Variants in NKTR observed in about 807,000 individuals in gnomAD.
The protein encoded by NKTR is natural killer cell triggering receptor.
Under a neutral mutation model 156.3 loss-of-function variants are expected in NKTR, and 67 were observed. The observed-to-expected ratio is 0.43, with a 90% CI of 0.35 to 0.53. NKTR has a LOEUF of 0.53. Among genes scored for constraint, NKTR ranks in the 20% least tolerant of loss-of-function variants. NKTR has a pLI of 0.01. For missense variants in NKTR, 1,604 were observed against 1,730.9 expected (o/e 0.93, Z 1.30); for synonymous variants, 640 against 596.6 (o/e 1.07, Z -1.06).
chr3:42,630,785 G>C (rs763195117), intron 7 of NKTR: 73 of 1,368,800 alleles, frequency 5.3e-5, no homozygotes, highest in Admixed American at 3.8e-4. Context: ...TCATGGATGG[G>C]CTTCTCAGCA....
Position 42,634,628 on chromosome 3 carries a change from T to G in NKTR, c.945T>G (p.Val315=). Residue 315 remains valine (V), a synonymous_variant, in exon 11 of 17, where the codon GTT becomes GTG. Transcript: ENST00000232978. ...TAEPEPKIPD[V]APIVSDQKPS... is the part of the protein sequence containing the mutation. The stretch of plus-strand genomic sequence containing the variant: ...CTTTTCCTAGGAAGATTCCTGATGT[T>G]GCACCCATTGTAAGTGATCAGAAAC... 1 of 1,582,226 alleles carries G rather than the reference T, an allele frequency of 6.3e-7. No individual in the cohort carries two copies.
chr3:42,608,082 C>T (rs759823468), intron 2 of NKTR, among the ~76,000 whole-genome samples: 5 of 145,458 alleles, frequency 3.4e-5, no homozygotes, highest in Admixed American at 7.2e-5. Context: ...CTCCGCCTCC[C>T]GGGTTCAAGA....
In NKTR at chr3:42,617,551, C is replaced by T. The variant is rs1188027948; in HGVS notation, c.59-19C>T. 3.5e-6 allele frequency: 5 copies of T among 1,416,316 alleles called. No individual in the cohort carries two copies. Among genetic ancestry groups the T allele is most frequent in the African/African-American group, 1.4e-5 (1 of 70,694 alleles). The allele number at this position is 1,416,316 out of a possible 1,614,324, so 87.7% of individuals were successfully genotyped here. On this transcript the variant is annotated intron_variant, in intron 2 of 16. Transcript: ENST00000232978. ...TATTTAACTTGCTTACTATTTTTTT[C>T]CTATGTATTTTATTTCAGTTGGTCG...
At chr3:42,606,247 T>TC (rs147807016) in intron 2 of NKTR, among the ~76,000 whole-genome samples, 9,086 of 152,176 alleles carry the variant, frequency 0.06, 354 homozygotes, top group South Asian at 0.1. Flanking sequence ...AACTCCCTTG[T>TC]CCCCCCCAGT....
intron 12 of NKTR, 77 bp downstream of exon 12, chr3:42,635,443 C>A: frequency 8.7e-7 from 1 of 1,143,484 alleles, no homozygotes; most frequent in Non-Finnish European, 1.2e-6. Flanking sequence ...CAATTCTGGA[C>A]TTTTCATTAA....
chr3:42,604,545 T>C (rs967986190), intron 2 of NKTR, among the ~76,000 whole-genome samples: 3 of 152,012 alleles, frequency 2.0e-5, no homozygotes, highest in East Asian at 3.8e-4. Flanking sequence ...CTATTAGTGT[T>C]GGTCAATTCT....
intron 12 of NKTR, among the ~76,000 whole-genome samples, chr3:42,636,660 A>G (rs1709442207): frequency 6.6e-6 from 1 of 152,230 alleles, no homozygotes; most frequent in South Asian, 2.1e-4. Flanking sequence ...GCTTAAAAAA[A>G]AAATCCTTTT....
chr3:42,617,757 TAAA>T, intron 3 of NKTR, 113 bp downstream of exon 3: 9 of 459,880 alleles, frequency 2.0e-5, no homozygotes, highest in East Asian at 7.3e-5. Context: ...TTTTGTGAAT[TAAA>T]AAAAAAAAAG....
intron 8 of NKTR, among the ~76,000 whole-genome samples, chr3:42,631,731 C>T (rs1708922640): frequency 6.6e-6 from 1 of 152,158 alleles, no homozygotes. Flanking sequence ...CCAAGGACTC[C>T]CATCTTCAAT....
At chr3:42,623,663 T>A (rs972468184) in intron 6 of NKTR, 2 of 152,118 alleles carry the variant, frequency 1.3e-5, no homozygotes, top group African/African-American at 2.4e-5. Context: ...TAAAAAAAAG[T>A]ATGATATGCT....
intron 13 of NKTR, 35 bp from the exon 14 acceptor site, chr3:42,642,466 A>G (rs755482068): frequency 2.0e-6 from 3 of 1,479,330 alleles, no homozygotes; most frequent in Non-Finnish European, 2.8e-6. Flanking sequence ...ATGAGTCAAC[A>G]TAATTATATA....
Position 42,638,320 on chromosome 3 carries a change from C to T in NKTR, c.2616C>T (p.Gly872=), listed in dbSNP as rs1450573550. 6.2e-7 allele frequency: 1 copy of T among 1,610,030 alleles called. No homozygotes were observed. The highest frequency in any genetic ancestry group is 8.5e-7 in the Non-Finnish European group (1 of 1,178,938). Residue 872 remains glycine, a synonymous_variant, in exon 13 of 17, where the codon GGC becomes GGT. Transcript: ENST00000232978. ...KENLSDHLRN[G]SKPKRKNYAG... is the part of the protein sequence containing the mutation. ...ATCTTTCTGATCACCTTAGAAATGG[C>T]AGTAAGCCCAAAAGGAAGAATTATG... is the stretch of plus-strand genomic sequence containing the variant.
At chr3:42,625,192 C>T (rs1029510843) in intron 6 of NKTR, among the ~76,000 whole-genome samples, 2 of 152,112 alleles carry the variant, frequency 1.3e-5, no homozygotes, top group African/African-American at 4.8e-5. Flanking sequence ...GTATTGGGCT[C>T]ATCTTAAATC....
At chr3:42,612,405 A>G (rs2125771002) in intron 2 of NKTR, 1 of 152,282 alleles carries the variant, frequency 6.6e-6, no homozygotes, top group East Asian at 1.9e-4. Flanking sequence ...TGGTACATAA[A>G]AAAAATTTTG....
rs1709643275 is a variant in NKTR, at chr3:42,638,801, A to G, written c.3097A>G (p.Lys1033Glu). ...GEEEEEEIDD[K>E]QVTQESKEKK... is the part of the protein sequence containing the mutation. ...AGAGGAGGAGGAGGAGATTGATGAC[A>G]AGCAAGTTACTCAGGAATCAAAAGA... The change falls in exon 13 of 17, where the codon AAG becomes GAG. Residue 1033 changes from lysine to glutamate, a missense_variant. Coordinates refer to ENST00000232978, the MANE Select transcript of NKTR (RefSeq NM_005385.4). 6.2e-7 allele frequency: 1 copy of G among 1,611,154 alleles called. No homozygotes were observed. The highest frequency in any genetic ancestry group is 1.3e-5 in the African/African-American group (1 of 74,724).
At chr3:42,618,500 G>A (rs556078630) in intron 3 of NKTR, among the ~76,000 whole-genome samples, 4 of 152,106 alleles carry the variant, frequency 2.6e-5, no homozygotes, top group East Asian at 3.9e-4. Context: ...GCTGGAGTGC[G>A]GTAGTGTGAT....
At chr3:42,633,516 T>C in intron 9 of NKTR, 64 bp from the exon 10 acceptor site, 1 of 1,559,148 alleles carries the variant, frequency 6.4e-7, no homozygotes, top group East Asian at 2.3e-5. Flanking sequence ...TAACTAATTT[T>C]ATGTGCTTTT....
At chr3:42,612,195 C>T (rs1577444151) in intron 2 of NKTR, 1 of 152,072 alleles carries the variant, frequency 6.6e-6, no homozygotes, top group Middle Eastern at 3.4e-3. Context: ...GCATAATCTA[C>T]CATTTTTTAA....
rs79049754 is a variant in NKTR, at chr3:42,606,655, TTATG to T, written c.58+5594_58+5597del. On this transcript the variant is annotated intron_variant, in intron 2 of 16. Coordinates refer to ENST00000232978, the MANE Select transcript of NKTR (RefSeq NM_005385.4). ...TATTTTATTAAACACCAATTAATCT[TTATG>T]TAATCACTTTTTAACATTTTTTAAT... Among the ~76,000 whole-genome samples, 3 of 152,220 alleles carry T rather than the reference TTATG, an allele frequency of 2.0e-5. No homozygotes were observed. The East Asian group carries it at 5.8e-4, about 29-fold the overall frequency.
Sources: gnomAD v4.1 joint callset for allele counts (sites outside exome capture counted in the v4.1 genomes callset) on GRCh38, gnomAD v4.1.1 for gene constraint, MANE v1.5 for transcripts, NCBI Gene and HGNC (gene_info 2026-07-23, HGNC 2026-07-21) for gene names.